The following ARHGEF10L variants were observed in gnomAD, a reference collection of about 807,000 sequenced individuals.
The protein encoded by ARHGEF10L is Rho guanine nucleotide exchange factor 10 like.
In ARHGEF10L, 69 loss-of-function variants were observed where a neutral mutation model predicts 141.2. That is an observed-to-expected ratio of 0.49 (90% CI 0.40 to 0.60). ARHGEF10L has a LOEUF of 0.60. Among genes scored for constraint, ARHGEF10L ranks in the 20% least tolerant of loss-of-function variants. The pLI, the probability that ARHGEF10L is intolerant of heterozygous loss-of-function variation, is 0.00. For synonymous variants in ARHGEF10L, 711 were observed against 718.5 expected, an observed-to-expected ratio of 0.99 and a Z score of 0.17; for missense variants, 1,482 against 1,734.3, an observed-to-expected ratio of 0.85 and a Z score of 2.58.
Position 17,625,994 on chromosome 1 carries a change from C to CG in ARHGEF10L, c.1359dup (p.Leu454AlafsTer45). 1 of 1,613,968 alleles carries CG rather than the reference C, an allele frequency of 6.2e-7. No homozygotes were observed. The highest frequency in any genetic ancestry group is 8.5e-7 in the Non-Finnish European group (1 of 1,179,884). The stretch of plus-strand genomic sequence containing the variant: ...GCAGCCCAGACCGTGTCACCCTCTA[C>CG]GGGCTGATGGTCAAGCCCATCCAGA... On this transcript the variant is annotated frameshift_variant, in exon 14 of 29. Transcript: ENST00000361221. LOFTEE classifies it high-confidence loss of function. This position sits in a 1 kb window ranked among gnomAD's most constrained non-coding sequence, Gnocchi z 4.5.
intron 27 of ARHGEF10L, among the ~76,000 whole-genome samples, chr1:17,693,517 C>T (rs2065252641): frequency 6.6e-6 from 1 of 152,188 alleles, no homozygotes; most frequent in African/African-American, 2.4e-5. Context: ...CATACACCCA[C>T]ATGTATGGAG....
intron 2 of ARHGEF10L, among the ~76,000 whole-genome samples, chr1:17,585,465 C>A (rs188516033): frequency 7.2e-5 from 11 of 152,300 alleles, no homozygotes; most frequent in Admixed American, 5.2e-4. Context: ...GCTCTACAGG[C>A]CACATCGCTG....
intron 21 of ARHGEF10L, among the ~76,000 whole-genome samples, chr1:17,641,424 G>A (rs2061323218): frequency 6.6e-6 from 1 of 152,028 alleles, no homozygotes; most frequent in South Asian, 2.1e-4. Flanking sequence ...AAGGTCAGGA[G>A]ATCGAGACCA....
In ARHGEF10L at chr1:17,651,464, T is replaced by TG. The variant is rs1444620081; in HGVS notation, c.2394+2791dup. Among the ~76,000 whole-genome samples the TG allele has an allele frequency of 4.6e-5, 7 of 152,296 alleles. No individual in the cohort carries two copies. In the East Asian group the frequency reaches 1.4e-3, roughly 29 times the overall value. On this transcript the variant is annotated intron_variant, in intron 22 of 28. Coordinates refer to ENST00000361221, the MANE Select transcript of ARHGEF10L (RefSeq NM_018125.4). ...AGAAGGCTGGCCCTGGGTGACTTTA[T>TG]GGTGGGCGTTGGATTCTCCTGTCTC...
In ARHGEF10L at chr1:17,682,727, C is replaced by T. The variant is rs2102436075; in HGVS notation, c.3010-4846C>T. ...GGCTGAGGGGGCAGGAAGCACTGGG[C>T]ATTCCTGGTGGTGGGTGGGCAGGTG... On this transcript the variant is annotated intron_variant, in intron 26 of 28. Coordinates refer to ENST00000361221, the MANE Select transcript of ARHGEF10L (RefSeq NM_018125.4). 2.6e-5 allele frequency among the ~76,000 whole-genome samples: 4 copies of T among 152,210 alleles called. No homozygotes were observed. In the South Asian group the frequency reaches 8.3e-4, roughly 32 times the overall value.
At chr1:17,564,623 C>A (rs1008030068) in intron 1 of ARHGEF10L, among the ~76,000 whole-genome samples, 1 of 152,166 alleles carries the variant, frequency 6.6e-6, no homozygotes, top group African/African-American at 2.4e-5. Context: ...CAAAGGCCAG[C>A]GCTCTCATTT....
At position 17,627,232 on chromosome 1, in the gene ARHGEF10L, C is replaced by T; in HGVS notation, c.1411-98C>T. On this transcript the variant is annotated intron_variant, in intron 14 of 28. Coordinates refer to ENST00000361221, the MANE Select transcript of ARHGEF10L (RefSeq NM_018125.4). This position sits in a 1 kb window ranked among gnomAD's most constrained non-coding sequence, Gnocchi z 4.0. The stretch of plus-strand genomic sequence containing the variant: ...GCCTCAGGCCGGGCCCTTTGCAGAC[C>T]CAGTGTGTGTAGGGGGTTGCGCAGG... 4.8e-6 allele frequency: 7 copies of T among 1,460,770 alleles called. No individual in the cohort carries two copies. Among genetic ancestry groups the T allele is most frequent in the Non-Finnish European group, 6.5e-6 (7 of 1,072,912 alleles). 90.5% of individuals were successfully genotyped at this position (1,460,770 alleles called of 1,614,324 possible). A position where few individuals can be genotyped will look rare whatever the true frequency, so the allele number is the denominator to read the frequency against.
intron 7 of ARHGEF10L, among the ~76,000 whole-genome samples, chr1:17,611,520 T>A (rs1371568461): frequency 6.6e-6 from 1 of 151,350 alleles, no homozygotes; most frequent in African/African-American, 2.4e-5. Flanking sequence ...CACAGGTGCC[T>A]CATCTGTCTG....
intron 4 of ARHGEF10L, among the ~76,000 whole-genome samples, chr1:17,596,854 C>A (rs952218838): frequency 6.6e-6 from 1 of 152,180 alleles, no homozygotes; most frequent in Admixed American, 6.5e-5. Flanking sequence ...GAGTTCAAGA[C>A]CAGCCTGGCC....
chr1:17,645,523 G>A (rs1192420626), intron 21 of ARHGEF10L, among the ~76,000 whole-genome samples: 1 of 152,170 alleles, frequency 6.6e-6, no homozygotes, highest in African/African-American at 2.4e-5. Context: ...CAGGTTGTGG[G>A]GTGAGGAATT....
intron 11 of ARHGEF10L, 25 bp from the exon 12 acceptor site, chr1:17,622,971 G>A (rs374436199): frequency 1.3e-5 from 21 of 1,599,946 alleles, no homozygotes; most frequent in African/African-American, 9.4e-5. Flanking sequence ...CCTGGCCTGC[G>A]GCCTCACCCC....
intron 26 of ARHGEF10L, among the ~76,000 whole-genome samples, chr1:17,682,104 G>T (rs184300101): frequency 5.3e-4 from 81 of 152,264 alleles, no homozygotes; most frequent in South Asian, 8.3e-4. Context: ...GGGTCCTTTG[G>T]ACACATCCCC....
At chr1:17,588,723 C>A (rs1314290884) in intron 4 of ARHGEF10L, among the ~76,000 whole-genome samples, 4 of 152,154 alleles carry the variant, frequency 2.6e-5, no homozygotes, top group African/African-American at 7.2e-5. Context: ...CAAACCCTAC[C>A]TCTGTGGCCT....
chr1:17,608,682 T>C (rs12728849), intron 7 of ARHGEF10L, among the ~76,000 whole-genome samples: 23,714 of 152,206 alleles, frequency 0.16, 2,524 homozygotes, highest in South Asian at 0.36. Flanking sequence ...CAAGAGGCAG[T>C]GTCTGTCCGT....
intron 27 of ARHGEF10L, among the ~76,000 whole-genome samples, chr1:17,689,458 TCTCC>T (rs1569775919): frequency 1.1e-3 from 11 of 10,082 alleles, no homozygotes; most frequent in Admixed American, 2.4e-3. Flanking sequence ...CTTCCCCCTC[TCTCC>T]CTCCCTCCCT....
At chr1:17,626,260 G>C (rs1344103119) in intron 14 of ARHGEF10L, among the ~76,000 whole-genome samples, 1 of 152,164 alleles carries the variant, frequency 6.6e-6, no homozygotes, top group Non-Finnish European at 1.5e-5. Flanking sequence ...TGTGGGGGAC[G>C]CTGAGGGACT....
rs770896541 is a variant in ARHGEF10L, at chr1:17,603,514, G to A, written c.356G>A (p.Arg119Gln). The A allele has an allele frequency of 1.2e-5, 20 of 1,613,420 alleles. No homozygotes were observed. The highest frequency in any genetic ancestry group is 9.9e-5 in the South Asian group (9 of 90,872). Reference protein sequence around the residue: ...WKRKSSRRIDRFTFPALEEDV... With the variant: ...WKRKSSRRIDQFTFPALEEDV... ...CTCCCCACTTCCCTCCCAGTTGACC[G>A]GTTCACTTTCCCCGCCCTGGAAGAG... is the stretch of plus-strand genomic sequence containing the variant. The change falls in exon 6 of 29, where the codon CGG becomes CAG. Residue 119 changes from arginine (R) to glutamine (Q), a missense_variant. Arg to Gln is a conservative substitution (Grantham distance 43). Around this residue, in one of 3 missense-constraint regions of ARHGEF10L, gnomAD observed 232 missense variants for 225.9 expected, o/e 1.03. Transcript: ENST00000361221. This position sits in a 1 kb window ranked among gnomAD's most constrained non-coding sequence, Gnocchi z 4.8.
Position 17,637,909 on chromosome 1 carries a change from C to A in ARHGEF10L, c.1949C>A (p.Pro650Gln). ...QAQNKVYLGPPRLFQELQDLQ... is the reference protein window; with the variant it reads ...QAQNKVYLGPQRLFQELQDLQ... ...CCAGATAAGGTGTACCTCGGCCCCC[C>A]ACGCCTCTTCCAGGAGCTGCAGGAC... is the stretch of plus-strand genomic sequence containing the variant. The change falls in exon 19 of 29, where the codon CCA becomes CAA. Residue 650 changes from proline (P) to glutamine (Q), a missense_variant. By Grantham distance (76) the Pro-to-Gln change is moderately conservative. This residue lies in a region of ARHGEF10L where 858 missense variants were observed against 966.3 expected (regional missense o/e 0.89). Transcript: ENST00000361221. The A allele has an allele frequency of 1.3e-6, 2 of 1,594,864 alleles. No homozygotes were observed. The highest frequency in any genetic ancestry group is 8.5e-7 in the Non-Finnish European group (1 of 1,170,696).
chr1:17,599,351 G>GA (rs376342810), intron 4 of ARHGEF10L, among the ~76,000 whole-genome samples: 45 of 146,450 alleles, frequency 3.1e-4, no homozygotes, highest in African/African-American at 5.8e-4. Flanking sequence ...AAAAGAAAAA[G>GA]AAAAAAAAAA....
Sources: allele counts gnomAD v4.1 joint callset (sites outside exome capture counted in the v4.1 genomes callset), GRCh38; gene constraint gnomAD v4.1.1; regional missense constraint gnomAD v4.1.1; non-coding constraint Gnocchi (gnomAD v3.1); transcripts MANE v1.5; gene names NCBI Gene and HGNC (gene_info 2026-07-23, HGNC 2026-07-21).